The following CEP152 variants were observed in gnomAD, a reference collection of about 807,000 sequenced individuals.
CEP152 encodes centrosomal protein of 152 kDa.
Under a neutral mutation model 188.9 loss-of-function variants are expected in CEP152, and 132 were observed. That is an observed-to-expected ratio of 0.70 (90% CI 0.61 to 0.81). CEP152 has a LOEUF of 0.81. CEP152 is among the 30% of genes least tolerant of loss of function. CEP152 has a pLI of 0.00. For missense variants in CEP152, 1,914 were observed against 1,969.8 expected, an observed-to-expected ratio of 0.97 and a Z score of 0.54; for synonymous variants, 649 against 666.6, an observed-to-expected ratio of 0.97 and a Z score of 0.41.
At chr15:48,782,807 G>T (rs1360279305) in intron 10 of CEP152, among the ~76,000 whole-genome samples, 1 of 152,146 alleles carries the variant, frequency 6.6e-6, no homozygotes. Context: ...ATGACCATCT[G>T]GGAAATGATT....
chr15:48,808,063 C>G (rs1353113376), intron 1 of CEP152, among the ~76,000 whole-genome samples: 1 of 151,960 alleles, frequency 6.6e-6, no homozygotes, highest in Non-Finnish European at 1.5e-5. Context: ...CTATAAAAGA[C>G]TTTAAGAAAT....
chr15:48,793,489 A>T, intron 6 of CEP152, 28 bp from the exon 7 acceptor site: 1 of 1,590,906 alleles, frequency 6.3e-7, no homozygotes, highest in Non-Finnish European at 8.6e-7. Flanking sequence ...TTTATTAGAT[A>T]AAAACATACC....
At chr15:48,804,431 A>C (rs1003539562) in intron 2 of CEP152, among the ~76,000 whole-genome samples, 5 of 152,252 alleles carry the variant, frequency 3.3e-5, no homozygotes, top group African/African-American at 1.2e-4. Context: ...CATGGTCCAC[A>C]ATAACTATTA....
chr15:48,739,403 AC>A, intron 26 of CEP152, 115 bp from the exon 27 acceptor site: 2 of 1,383,540 alleles, frequency 1.4e-6, no homozygotes, highest in Non-Finnish European at 1.9e-6. Context: ...ATGTTTTTAT[AC>A]TGTATTCCCA....
intron 2 of CEP152, among the ~76,000 whole-genome samples, 178 bp from the exon 3 acceptor site, chr15:48,798,229 G>C (rs1001335147): frequency 8.6e-5 from 13 of 151,222 alleles, no homozygotes; most frequent in Admixed American, 2.0e-4. Context: ...GGGGAAAAGG[G>C]AATGCATAAT....
intron 2 of CEP152, among the ~76,000 whole-genome samples, chr15:48,730,212 C>CT (rs1029701102): frequency 1.3e-5 from 2 of 152,130 alleles, no homozygotes; most frequent in African/African-American, 4.8e-5. Flanking sequence ...TGACAGTGAA[C>CT]ATTAGCAGCC....
intron 1 of CEP152, chr15:48,810,130 A>G (rs4775774): frequency 0.39 from 59,436 of 152,120 alleles, 12,047 homozygotes; most frequent in Middle Eastern, 0.47. Flanking sequence ...AATCAGACTC[A>G]AGTTCATGAC....
At chr15:48,787,065 C>G (rs1896687815) in intron 9 of CEP152, among the ~76,000 whole-genome samples, 1 of 150,046 alleles carries the variant, frequency 6.7e-6, no homozygotes, top group South Asian at 2.1e-4. Context: ...CCAAAACTAA[C>G]TTTAAAATAA....
chr15:48,790,702 G>T (rs1050048200), intron 8 of CEP152, among the ~76,000 whole-genome samples: 4 of 152,214 alleles, frequency 2.6e-5, no homozygotes, highest in African/African-American at 9.6e-5. Flanking sequence ...GAGTAGCTGG[G>T]ATTACAGGCA....
At chr15:48,746,500 T>C (rs1893439568) in intron 22 of CEP152, among the ~76,000 whole-genome samples, 1 of 152,202 alleles carries the variant, frequency 6.6e-6, no homozygotes, top group Non-Finnish European at 1.5e-5. Flanking sequence ...AGCTAAGTAA[T>C]CACAAAATGA....
At position 48,762,756 on chromosome 15, in the gene CEP152, C is replaced by G. The variant is rs1417512853; in HGVS notation, c.2281-84G>C. 5 of 1,363,188 alleles carry G rather than the reference C, an allele frequency of 3.7e-6. No homozygotes were observed. In the African/African-American group the frequency reaches 4.3e-5, roughly 12 times the overall value. 84.4% of individuals were successfully genotyped at this position (1,363,188 alleles called of 1,614,324 possible). On this transcript the variant is annotated intron_variant, in intron 17 of 26. Transcript: ENST00000380950. ...ATTAAAAGCTAGCCAGAAAAGCAAC[C>G]ACAGCTGTGTTTGAAAACCATCTAG... is the stretch of plus-strand genomic sequence containing the variant.
chr15:48,749,590 C>A (rs1445006118), intron 21 of CEP152, among the ~76,000 whole-genome samples: 2 of 151,960 alleles, frequency 1.3e-5, no homozygotes, highest in African/African-American at 4.8e-5. Context: ...AACAACATAT[C>A]ACCCCTTGCA....
chr15:48,788,771 T>C (rs937030546), intron 9 of CEP152, 30 bp downstream of exon 9: 18 of 1,587,134 alleles, frequency 1.1e-5, no homozygotes, highest in Non-Finnish European at 1.3e-5. Flanking sequence ...TACTTGTTGA[T>C]AACAGTTGCT....
intron 12 of CEP152, among the ~76,000 whole-genome samples, chr15:48,775,692 T>C (rs1481342924): frequency 6.6e-6 from 1 of 152,120 alleles, no homozygotes; most frequent in African/African-American, 2.4e-5. Flanking sequence ...GTCAAATCCA[T>C]AGAGACAGGA....
At chr15:48,800,857 A>G (rs1897625572) in intron 2 of CEP152, among the ~76,000 whole-genome samples, 1 of 151,662 alleles carries the variant, frequency 6.6e-6, no homozygotes, top group Non-Finnish European at 1.5e-5. Flanking sequence ...TCTTAAAAAG[A>G]AAAAAAAAGA....
At chr15:48,745,035 T>C in intron 22 of CEP152, 43 bp from the exon 23 acceptor site, 1 of 1,417,450 alleles carries the variant, frequency 7.1e-7, no homozygotes, top group Non-Finnish European at 9.6e-7. Flanking sequence ...TTAAAAATTT[T>C]TTAAGCCTTC....
chr15:48,737,769 T>A (rs1284738343), downstream of CEP152, among the ~76,000 whole-genome samples: 1 of 152,212 alleles, frequency 6.6e-6, no homozygotes, highest in African/African-American at 2.4e-5. Context: ...CTAGGAAAAG[T>A]CTATGTAGAT....
intron 13 of CEP152, among the ~76,000 whole-genome samples, chr15:48,771,026 A>G (rs1895489412): frequency 6.6e-6 from 1 of 152,164 alleles, no homozygotes; most frequent in African/African-American, 2.4e-5. Flanking sequence ...GAAAAGGAGT[A>G]TACTACCCAC....
intron 20 of CEP152, among the ~76,000 whole-genome samples, chr15:48,752,990 C>G (rs939580822): frequency 2.0e-5 from 3 of 152,122 alleles, no homozygotes; most frequent in Admixed American, 6.5e-5. Flanking sequence ...GTAAGGAAGG[C>G]CAGCTGAATG....
Sources: gnomAD v4.1 joint callset for allele counts (sites outside exome capture counted in the v4.1 genomes callset) on GRCh38, gnomAD v4.1.1 for gene constraint, MANE v1.5 for transcripts, NCBI Gene and HGNC (gene_info 2026-07-23, HGNC 2026-07-21) for gene names.